The following ATP2B2 variants were observed in gnomAD, a reference collection of about 807,000 sequenced individuals.
The protein encoded by ATP2B2 is ATPase plasma membrane Ca2+ transporting 2.
In ATP2B2, 15 loss-of-function variants were observed where a neutral mutation model predicts 120.0. The observed-to-expected ratio is 0.12, with a 90% CI of 0.08 to 0.19. ATP2B2 has a LOEUF of 0.19. Ranked by LOEUF, ATP2B2 falls within the 10% of genes least tolerant of loss-of-function variation. The pLI, the probability that ATP2B2 is intolerant of heterozygous loss-of-function variation, is 1.00. For missense variants in ATP2B2, 1,045 were observed against 1,719.8 expected (o/e 0.61, Z 6.94); for synonymous variants, 694 against 700.3 (o/e 0.99, Z 0.14).
chr3:10,382,546 A>G (rs111413057), intron 8 of ATP2B2, among the ~76,000 whole-genome samples: 1,597 of 148,566 alleles, frequency 0.011, 21 homozygotes, highest in African/African-American at 0.037. Flanking sequence ...TAGTAGAGAC[A>G]GAGTTTCACC....
chr3:10,390,360 C>T (rs537303575), intron 5 of ATP2B2, among the ~76,000 whole-genome samples: 26 of 152,282 alleles, frequency 1.7e-4, no homozygotes, highest in African/African-American at 6.3e-4. Context: ...TGGGTCAGAC[C>T]TAAAGAGCTT....
At chr3:10,689,831 T>C (rs1476659649) in intron 1 of ATP2B2, among the ~76,000 whole-genome samples, 2 of 152,194 alleles carry the variant, frequency 1.3e-5, no homozygotes, top group Non-Finnish European at 2.9e-5. Context: ...AATCCAAGCA[T>C]TGCTGCGCAC....
chr3:10,335,161 G>A (rs2060083622), intron 22 of ATP2B2, among the ~76,000 whole-genome samples: 1 of 152,198 alleles, frequency 6.6e-6, no homozygotes, highest in South Asian at 2.1e-4. Context: ...ACAGTCCCAG[G>A]CTATCTCTCA....
At chr3:10,406,838 T>A (rs1273091905) in intron 3 of ATP2B2, among the ~76,000 whole-genome samples, 1 of 152,216 alleles carries the variant, frequency 6.6e-6, no homozygotes, top group East Asian at 1.9e-4. Flanking sequence ...AGGTAAGGCC[T>A]GGGCAGGGGC....
At chr3:10,624,528 T>G (rs976725109) in intron 1 of ATP2B2, among the ~76,000 whole-genome samples, 9 of 152,170 alleles carry the variant, frequency 5.9e-5, no homozygotes, top group African/African-American at 2.2e-4. Context: ...GCGCCTGAAA[T>G]GTCACTGTGT....
intron 2 of ATP2B2, among the ~76,000 whole-genome samples, chr3:10,437,346 G>A (rs1397699383): frequency 6.6e-6 from 1 of 152,156 alleles, no homozygotes; most frequent in African/African-American, 2.4e-5. Flanking sequence ...ACTCACATCA[G>A]CTCATTTATT....
intron 3 of ATP2B2, among the ~76,000 whole-genome samples, chr3:10,520,880 G>A (rs2066972396): frequency 6.6e-6 from 1 of 151,950 alleles, no homozygotes; most frequent in African/African-American, 2.4e-5. Context: ...ATCACTGCAG[G>A]TTCAGAGTGG....
chr3:10,605,540 G>A (rs1010957915), intron 2 of ATP2B2, among the ~76,000 whole-genome samples: 48 of 152,166 alleles, frequency 3.2e-4, no homozygotes, highest in Admixed American at 1.6e-3. Flanking sequence ...GGGCTCCTTA[G>A]CTTGTCAGGA....
At chr3:10,608,780 C>T (rs1444099303) in intron 2 of ATP2B2, among the ~76,000 whole-genome samples, 1 of 152,182 alleles carries the variant, frequency 6.6e-6, no homozygotes, top group Non-Finnish European at 1.5e-5. Flanking sequence ...TCACACCTCA[C>T]ATGGTACTAC....
intron 1 of ATP2B2, among the ~76,000 whole-genome samples, chr3:10,685,353 G>A (rs1344256448): frequency 2.0e-5 from 3 of 152,226 alleles, no homozygotes; most frequent in Admixed American, 1.3e-4. Context: ...GCAGGCAGCT[G>A]AGCAAGCAGC....
chr3:10,628,351 G>T (rs2069765980), intron 1 of ATP2B2, among the ~76,000 whole-genome samples: 1 of 152,224 alleles, frequency 6.6e-6, no homozygotes, highest in Non-Finnish European at 1.5e-5. Flanking sequence ...AAGAGGCAAT[G>T]GTGGCCAGAC....
At chr3:10,554,024 G>A (rs1399271502) in intron 2 of ATP2B2, among the ~76,000 whole-genome samples, 1 of 150,714 alleles carries the variant, frequency 6.6e-6, no homozygotes, top group African/African-American at 2.4e-5. Context: ...TGGGGCGGGG[G>A]TGGGGGCTGC....
chr3:10,644,660 A>G (rs758136126), intron 1 of ATP2B2, among the ~76,000 whole-genome samples: 2 of 152,248 alleles, frequency 1.3e-5, no homozygotes, highest in Admixed American at 6.5e-5. Context: ...TGCATATTCC[A>G]TGATTCTATT....
Position 10,431,603 on chromosome 3 carries a change from G to A in ATP2B2, c.199+17742C>T, listed in dbSNP as rs187458719. ...ATACTTGCTTTTTTGCTTGTCACACGCACACACAAAGCCAAAATATGCAAG... is the reference window on the plus strand; with the variant it reads ...ATACTTGCTTTTTTGCTTGTCACACACACACACAAAGCCAAAATATGCAAG... On this transcript the variant is annotated intron_variant, in intron 2 of 22. Transcript: ENST00000360273. Among the ~76,000 whole-genome samples the A allele has an allele frequency of 7.0e-4, 106 of 152,170 alleles. No individual in the cohort carries two copies. The South Asian group carries it at 0.017, about 25-fold the overall frequency.
At chr3:10,704,229 G>T (rs1431401157) in intron 1 of ATP2B2, among the ~76,000 whole-genome samples, 2 of 152,176 alleles carry the variant, frequency 1.3e-5, no homozygotes, top group Admixed American at 1.3e-4. Context: ...TTAAAATGAT[G>T]ATAATATCAC....
At chr3:10,463,962 G>A (rs1324577393) in intron 1 of ATP2B2, among the ~76,000 whole-genome samples, 2 of 152,290 alleles carry the variant, frequency 1.3e-5, no homozygotes, top group South Asian at 2.1e-4. Context: ...CATCCTCTGC[G>A]TCCGCTCTCC....
chr3:10,440,810 G>A (rs1468543790), intron 2 of ATP2B2, among the ~76,000 whole-genome samples: 1 of 152,174 alleles, frequency 6.6e-6, no homozygotes, highest in Non-Finnish European at 1.5e-5. Flanking sequence ...GACAGTGTAG[G>A]CACCAATCCT....
rs902107557 is a variant in ATP2B2, at chr3:10,329,828, C to G, written c.3421-703G>C. 6.6e-6 allele frequency among the ~76,000 whole-genome samples: 1 copy of G among 152,106 alleles called. No homozygotes were observed. Among genetic ancestry groups the G allele is most frequent in the Non-Finnish European group, 1.5e-5 (1 of 68,026 alleles). ...ACATTCGGGGGCGGGCTGCATGCCA[C>G]GGGGAGGCCGGGAGCCACATGGCAC... On this transcript the variant is annotated intron_variant, in intron 22 of 22. Transcript: ENST00000360273. This position sits in a 1 kb window ranked among gnomAD's most constrained non-coding sequence, Gnocchi z 5.9.
At chr3:10,614,529 T>C (rs2013900) in intron 2 of ATP2B2, among the ~76,000 whole-genome samples, 109,543 of 152,158 alleles carry the variant, frequency 0.72, 39,627 homozygotes, top group Admixed American at 0.76. Context: ...AGATTAAACA[T>C]AGAAACACAA....
Sources: allele counts gnomAD v4.1 joint callset (sites outside exome capture counted in the v4.1 genomes callset), GRCh38; gene constraint gnomAD v4.1.1; non-coding constraint Gnocchi (gnomAD v3.1); transcripts MANE v1.5; gene names NCBI Gene and HGNC (gene_info 2026-07-23, HGNC 2026-07-21).